PPP1R14C: variants seen among roughly 807,000 people sequenced by gnomAD.
PPP1R14C encodes protein phosphatase 1 regulatory inhibitor subunit 14C, also known as protein phosphatase 1 regulatory subunit 14C.
In PPP1R14C, 16 loss-of-function variants were observed where a neutral mutation model predicts 20.4. That is an observed-to-expected ratio of 0.78 (90% confidence interval 0.53 to 1.19). The LOEUF (loss-of-function observed/expected upper bound fraction) is 1.19, where lower values mean the gene tolerates loss of function less well. Ranked by LOEUF, PPP1R14C falls within the 50% of genes most tolerant of loss-of-function variation. The pLI, the probability that PPP1R14C is intolerant of heterozygous loss-of-function variation, is 0.00. For missense variants in PPP1R14C, 211 were observed against 220.1 expected (o/e 0.96, Z 0.26); for synonymous variants, 91 against 91.0 (o/e 1.00, Z 0.00).
chr6:150,229,724 T>A (rs1778270596), intron 3 of PPP1R14C, among the ~76,000 whole-genome samples: 1 of 152,098 alleles, frequency 6.6e-6, no homozygotes, highest in Admixed American at 6.6e-5. Flanking sequence ...CCTTCAGGAA[T>A]TTATGTTGAC....
intron 1 of PPP1R14C, among the ~76,000 whole-genome samples, chr6:150,200,943 C>T (rs1313862126): frequency 6.6e-6 from 1 of 152,156 alleles, no homozygotes; most frequent in Non-Finnish European, 1.5e-5. Context: ...CTGAAGGGCT[C>T]TGCTCTCCTC....
chr6:150,197,554 T>A (rs1777820097), intron 1 of PPP1R14C, among the ~76,000 whole-genome samples: 1 of 152,250 alleles, frequency 6.6e-6, no homozygotes, highest in Non-Finnish European at 1.5e-5. Context: ...CATTGCTGAT[T>A]TCCAGGCTGC....
At chr6:150,186,185 A>G (rs190797136) in intron 1 of PPP1R14C, among the ~76,000 whole-genome samples, 45 of 152,212 alleles carry the variant, frequency 3.0e-4, no homozygotes, top group Non-Finnish European at 5.0e-4. Context: ...TCCGATAATT[A>G]ATTGTTTTAT....
chr6:150,159,810 CT>C (rs1777345098), intron 1 of PPP1R14C, among the ~76,000 whole-genome samples: 1 of 152,164 alleles, frequency 6.6e-6, no homozygotes, highest in South Asian at 2.1e-4. Flanking sequence ...AAAGTCCATA[CT>C]TTGTTCGGAT....
rs1562257938 is a variant in PPP1R14C at position 150,160,253 on chromosome 6, A to AT, written c.306+16757dup. Among the ~76,000 whole-genome samples the AT allele has an allele frequency of 5.6e-4, 65 of 117,110 alleles. 2 individuals carry two copies. Among genetic ancestry groups the AT allele is most frequent in the African/African-American group, 2.2e-3 (63 of 29,258 alleles). The allele number at this position is 117,110 out of a possible 152,430, so 76.8% of individuals were successfully genotyped here. On this transcript the variant is annotated intron_variant, in intron 1 of 3. Transcript: ENST00000361131. ...GGAAGAAAATCACTATGTGTAGCTCATTCTTTTTTTTTTTTTTTTTTTTTT... is the reference window on the plus strand; with the variant it reads ...GGAAGAAAATCACTATGTGTAGCTCATTTCTTTTTTTTTTTTTTTTTTTTTT...
rs573043740 is a variant in PPP1R14C at position 150,201,959 on chromosome 6, T to A, written c.307-12785T>A. Among the ~76,000 whole-genome samples, 2 of 152,276 alleles carry A rather than the reference T, an allele frequency of 1.3e-5. No homozygotes were observed. The highest frequency in any genetic ancestry group is 3.9e-4 in the East Asian group (2 of 5,176). ...TACAGGTAAACGATTATGGTAATAA[T>A]TTACAAAGAAGCATGCCCTTTGCTC... On this transcript the variant is annotated intron_variant, in intron 1 of 3. Coordinates refer to ENST00000361131, the MANE Select transcript of PPP1R14C (RefSeq NM_030949.3). The surrounding 1 kb of genome is among the most constrained non-coding windows in gnomAD (Gnocchi z 4.2).
intron 1 of PPP1R14C, chr6:150,195,231 G>A (rs1054630483): frequency 3.4e-6 from 3 of 882,490 alleles, no homozygotes; most frequent in Non-Finnish European, 4.1e-6. Flanking sequence ...ACAAATTGCA[G>A]TATATGTGTG....
intron 1 of PPP1R14C, among the ~76,000 whole-genome samples, chr6:150,150,196 G>C (rs572049621): frequency 1.3e-5 from 2 of 152,290 alleles, no homozygotes; most frequent in Admixed American, 1.3e-4. Flanking sequence ...TGTTACTGTA[G>C]TCATATCACA....
intron 3 of PPP1R14C, among the ~76,000 whole-genome samples, chr6:150,236,628 TGTGTGTGTGTGC>T (rs1183046040): frequency 6.6e-6 from 1 of 151,168 alleles, no homozygotes; most frequent in African/African-American, 2.4e-5. Context: ...TGTGTGTGTG[TGTGTGTGTGTGC>T]GCGTGTGTGT....
At chr6:150,161,394 T>C (rs1418223988) in intron 1 of PPP1R14C, among the ~76,000 whole-genome samples, 1 of 152,228 alleles carries the variant, frequency 6.6e-6, no homozygotes, top group Non-Finnish European at 1.5e-5. Context: ...AGCAAGAAAA[T>C]ATATGTGTGT....
chr6:150,226,828 T>C (rs1778236208), intron 3 of PPP1R14C, among the ~76,000 whole-genome samples: 1 of 152,040 alleles, frequency 6.6e-6, no homozygotes, highest in East Asian at 1.9e-4. Flanking sequence ...CGAGAGTAGG[T>C]GGCAAAAGGC....
chr6:150,143,337 C>G lies in PPP1R14C; in HGVS notation c.145C>G (p.Pro49Ala). 1 of 1,604,332 alleles carries G rather than the reference C, an allele frequency of 6.2e-7. No homozygotes were observed. The highest frequency in any genetic ancestry group is 8.5e-7 in the Non-Finnish European group (1 of 1,176,720). ...GSGSSREDSA[P>A]VATAAAAGQV... is the part of the protein sequence containing the mutation. ...AGGCTCCTCCCGGGAGGACTCGGCG[C>G]CCGTGGCCACGGCGGCCGCTGCAGG... The change falls in exon 1 of 4, where the codon CCC becomes GCC. Residue 49 changes from proline to alanine, a missense_variant. Transcript: ENST00000361131. The surrounding 1 kb of genome is among the most constrained non-coding windows in gnomAD (Gnocchi z 5.6).
At chr6:150,162,770 G>A (rs1777384222) in intron 1 of PPP1R14C, among the ~76,000 whole-genome samples, 1 of 152,164 alleles carries the variant, frequency 6.6e-6, no homozygotes, top group Admixed American at 6.5e-5. Flanking sequence ...GAGTCCCTGT[G>A]CTCTTAAAAA....
intron 3 of PPP1R14C, among the ~76,000 whole-genome samples, chr6:150,242,997 A>G (rs1778449882): frequency 6.6e-6 from 1 of 152,158 alleles, no homozygotes; most frequent in African/African-American, 2.4e-5. Context: ...TACACTGGAA[A>G]TTATAAACCA....
intron 1 of PPP1R14C, among the ~76,000 whole-genome samples, chr6:150,212,526 G>T (rs973219900): frequency 2.0e-5 from 3 of 152,166 alleles, no homozygotes; most frequent in African/African-American, 4.8e-5. Flanking sequence ...TATATTTGCA[G>T]AAAAACCCAT....
At chr6:150,149,443 A>ATTTTTTTTTTTTTTTT (rs1216146263) in intron 1 of PPP1R14C, among the ~76,000 whole-genome samples, 11 of 119,944 alleles carry the variant, frequency 9.2e-5, no homozygotes, top group African/African-American at 3.3e-4. Flanking sequence ...CTCCCACCTA[A>ATTTTTTTTTTTTTTTT]TTTTTTTTTT....
At chr6:150,197,583 G>T (rs1344227297) in intron 1 of PPP1R14C, among the ~76,000 whole-genome samples, 1 of 152,260 alleles carries the variant, frequency 6.6e-6, no homozygotes, top group Admixed American at 6.5e-5. Flanking sequence ...GGCTGGTGGT[G>T]GGTATCCAGG....
intron 1 of PPP1R14C, among the ~76,000 whole-genome samples, chr6:150,149,054 C>T (rs1260269551): frequency 6.6e-6 from 1 of 151,372 alleles, no homozygotes; most frequent in Non-Finnish European, 1.5e-5. Context: ...AACAGCCTGC[C>T]TCAAATAAAA....
At chr6:150,178,346 C>G (rs1166077609) in intron 1 of PPP1R14C, among the ~76,000 whole-genome samples, 1 of 152,208 alleles carries the variant, frequency 6.6e-6, no homozygotes, top group East Asian at 1.9e-4. Flanking sequence ...GTCACAGAGG[C>G]CCCTGGGGAC....
Sources: allele counts gnomAD v4.1 joint callset (sites outside exome capture counted in the v4.1 genomes callset), GRCh38; gene constraint gnomAD v4.1.1; non-coding constraint Gnocchi (gnomAD v3.1); transcripts MANE v1.5; gene names NCBI Gene and HGNC (gene_info 2026-07-23, HGNC 2026-07-21).